INO80E: variants seen among roughly 807,000 people sequenced by gnomAD.
INO80E encodes the protein coiled-coil domain containing 95.
INO80E carries 20 observed loss-of-function variants against 27.3 expected under a neutral mutation model. The ratio of observed to expected loss-of-function variants is 0.73; its 90% CI spans 0.51 to 1.06. The LOEUF (loss-of-function observed/expected upper bound fraction) is 1.06. Ranked by LOEUF, INO80E falls within the 50% of genes least tolerant of loss-of-function variation. The probability of loss-of-function intolerance (pLI) is 0.00; values close to 1 mark genes in which losing one functional copy is unlikely to be tolerated. For synonymous variants in INO80E, 167 were observed against 145.9 expected (o/e 1.14, Z -1.04); for missense variants, 357 against 322.8 (o/e 1.11, Z -0.81).
intron 3 of INO80E, chr16:29,999,603 A>G (rs934763652): frequency 3.3e-5 from 5 of 152,372 alleles, no homozygotes; most frequent in Admixed American, 3.3e-4. Flanking sequence ...AACGGCTTCT[A>G]TAGGTGTAGC....
chr16:29,997,334 C>T (rs1022932592), intron 3 of INO80E, among the ~76,000 whole-genome samples: 2 of 152,088 alleles, frequency 1.3e-5, no homozygotes, highest in African/African-American at 4.8e-5. Context: ...AGCCGTACCC[C>T]ATAGGCAAAT....
chr16:30,000,987 T>G lies in INO80E; in HGVS notation c.343T>G (p.Ser115Ala). ...PSPSSLSLPP[S>A]TGFPLQASGV... is the part of the protein sequence containing the mutation. ...TCCCTCCAGCCTCTCCCTGCCTCCT[T>G]CAACAGGGTTTCCCCTTCAGGCCTC... Residue 115 changes from serine to alanine, a missense_variant, in exon 5 of 7, where the codon TCA becomes GCA. Ser to Ala is a moderately conservative substitution (Grantham distance 99). Transcript: ENST00000563197. 2 of 1,561,314 alleles carry G rather than the reference T, an allele frequency of 1.3e-6. No homozygotes were observed. The highest frequency in any genetic ancestry group is 1.2e-5 in the South Asian group (1 of 83,772).
intron 6 of INO80E, chr16:30,002,100 TGGA>T (rs2070376822): frequency 6.5e-6 from 1 of 152,754 alleles, no homozygotes; most frequent in Non-Finnish European, 1.5e-5. Context: ...TAGGTACTTG[TGGA>T]GAAGAACAGA....
rs1386005670 is a variant in INO80E at position 30,004,823 on chromosome 16, G to A, written c.514-398G>A. The stretch of plus-strand genomic sequence containing the variant: ...GAACCAGTGAGTGCCGCAGAAGAGG[G>A]AGAGGAGGAGTAGGGAGAGGAAGCT... On this transcript the variant is annotated intron_variant, in intron 6 of 6. Coordinates refer to ENST00000563197, the MANE Select transcript of INO80E (RefSeq NM_173618.3). Among the ~76,000 whole-genome samples the A allele has an allele frequency of 2.6e-5, 4 of 152,194 alleles. No homozygotes were observed. The East Asian group carries it at 7.7e-4, about 29-fold the overall frequency.
At position 30,005,557 on chromosome 16, in the gene INO80E, C is replaced by A; in HGVS notation, c.*115C>A. ...TGATGCCCAGCTGCCATGCTCCGGC[C>A]ACTGACACAACCAGAAAAGGCGTAA... On this transcript the variant is annotated 3_prime_UTR_variant, in exon 7 of 7. Coordinates refer to ENST00000563197, the MANE Select transcript of INO80E (RefSeq NM_173618.3). 9.8e-7 allele frequency: 1 copy of A among 1,024,314 alleles called. No individual in the cohort carries two copies. Among genetic ancestry groups the A allele is most frequent in the Non-Finnish European group, 1.5e-6 (1 of 688,628 alleles). 63.5% of individuals were successfully genotyped at this position (1,024,314 alleles called of 1,614,324 possible).
At chr16:30,005,194 C>G in intron 6 of INO80E, 27 bp from the exon 7 acceptor site, 1 of 1,439,908 alleles carries the variant, frequency 6.9e-7, no homozygotes, top group Non-Finnish European at 9.1e-7. Flanking sequence ...CTGACTAGTC[C>G]CCCTGTGTTT....
In INO80E at chr16:29,996,338, G is replaced by T; in HGVS notation, c.28G>T (p.Asp10Tyr). 1 of 1,598,434 alleles carries T rather than the reference G, an allele frequency of 6.3e-7. No homozygotes were observed. The highest frequency in any genetic ancestry group is 8.5e-7 in the Non-Finnish European group (1 of 1,172,626). The change falls in exon 1 of 7, where the codon GAC (aspartate) becomes TAC (tyrosine). Residue 10 changes from aspartate (D) to tyrosine (Y), a missense_variant. Asp to Tyr is a radical substitution (Grantham distance 160). Coordinates refer to ENST00000563197, the MANE Select transcript of INO80E (RefSeq NM_173618.3). ...GAACGGGCCGGCGGACGGCGAAGTG[G>T]ACTACAAAAAAAAATACCGGAATCT... is the stretch of plus-strand genomic sequence containing the variant. MNGPADGEV[D>Y]YKKKYRNLKR...
chr16:30,000,695 T>C, intron 3 of INO80E, 63 bp from the exon 4 acceptor site: 1 of 1,380,828 alleles, frequency 7.2e-7, no homozygotes, highest in Non-Finnish European at 1.0e-6. Context: ...GTAGAGGAGG[T>C]TATACCTTTC....
intron 6 of INO80E, 80 bp from the exon 7 acceptor site, chr16:30,005,141 C>T (rs2070514818): frequency 7.1e-7 from 1 of 1,404,320 alleles, no homozygotes; most frequent in Non-Finnish European, 9.3e-7. Flanking sequence ...CCCAGAGCTG[C>T]CCTGGGGGGC....
At chr16:30,005,102 C>T in intron 6 of INO80E, 119 bp from the exon 7 acceptor site, 1 of 1,164,506 alleles carries the variant, frequency 8.6e-7, no homozygotes, top group Non-Finnish European at 1.2e-6. Context: ...ATGGGTTGGC[C>T]CAGCTGTGCC....
At chr16:30,001,706 C>T (rs2070362936) in intron 6 of INO80E, 176 bp downstream of exon 6, 1 of 610,296 alleles carries the variant, frequency 1.6e-6, no homozygotes, top group Non-Finnish European at 2.8e-6. Flanking sequence ...TGTATGGAGA[C>T]AAATCAGGGC....
chr16:29,998,918 G>A (rs919427371), intron 3 of INO80E, among the ~76,000 whole-genome samples: 9 of 152,020 alleles, frequency 5.9e-5, no homozygotes, highest in African/African-American at 1.9e-4. Context: ...GGTGGCGGGC[G>A]CCTGTAGTCC....
chr16:30,005,262 G>A lies in INO80E; in HGVS notation c.555G>A (p.Leu185=). 6.7e-7 allele frequency: 1 copy of A among 1,483,092 alleles called. No homozygotes were observed. The highest frequency in any genetic ancestry group is 8.9e-7 in the Non-Finnish European group (1 of 1,120,452). The allele number at this position is 1,483,092 out of a possible 1,614,324, so 91.9% of individuals were successfully genotyped here. Residue 185 remains leucine (L), a synonymous_variant, in exon 7 of 7, where the codon CTG becomes CTA. Coordinates refer to ENST00000563197, the MANE Select transcript of INO80E (RefSeq NM_173618.3). ...CCGACTGCCCTGTGGGAGGGCCGCT[G>A]ACCTTCCCTGGCCGGGGTTCTGGGG... ...GPPDCPVGGP[L]TFPGRGSGAG...
At chr16:30,001,376 A>C in intron 5 of INO80E, 38 bp from the exon 6 acceptor site, 1 of 1,549,358 alleles carries the variant, frequency 6.5e-7, no homozygotes, top group Non-Finnish European at 8.7e-7. Context: ...ACCCCGGTCC[A>C]TTCCGCCTCC....
At position 30,001,445 on chromosome 16, in the gene INO80E, C is replaced by T. The variant is rs779190889; in HGVS notation, c.428C>T (p.Ser143Phe). 6.2e-7 allele frequency: 1 copy of T among 1,612,008 alleles called. No homozygotes were observed. The highest frequency in any genetic ancestry group is 8.5e-7 in the Non-Finnish European group (1 of 1,179,098). Residue 143 changes from serine to phenylalanine, a missense_variant, in exon 6 of 7, where the codon TCT becomes TTT. Coordinates refer to ENST00000563197, the MANE Select transcript of INO80E (RefSeq NM_173618.3). The part of the protein sequence containing the change: ...LASSRYPPFP[S>F]DYLALQLPEP... ...TCCTCCCGCTACCCCCCATTCCCTT[C>T]TGACTACCTGGCCCTGCAGCTGCCC...
chr16:29,996,778 C>G, intron 2 of INO80E, 30 bp from the exon 3 acceptor site: 2 of 1,613,048 alleles, frequency 1.2e-6, no homozygotes, highest in Non-Finnish European at 1.7e-6. Context: ...GCTGGAAAAT[C>G]ACTGTCCGTG....
intron 3 of INO80E, among the ~76,000 whole-genome samples, chr16:29,998,988 T>C (rs1039399861): frequency 2.7e-5 from 4 of 150,412 alleles, no homozygotes; most frequent in African/African-American, 7.4e-5. Flanking sequence ...GAGCTTGCAG[T>C]GAGCCGAGAT....
Position 30,005,621 on chromosome 16 carries a change from T to A in INO80E, c.*179T>A. ...TCCCCCAGGAGGGTGGCAGGGGCCC[T>A]GCCTTCAAACCCCGGCCCCCTCCAG... On this transcript the variant is annotated 3_prime_UTR_variant, in exon 7 of 7. Transcript: ENST00000563197. 1 of 644,828 alleles carries A rather than the reference T, an allele frequency of 1.6e-6. No homozygotes were observed. Among genetic ancestry groups the A allele is most frequent in the Non-Finnish European group, 2.7e-6 (1 of 376,716 alleles). 39.9% of individuals were successfully genotyped at this position (644,828 alleles called of 1,614,324 possible). A position where few individuals can be genotyped will look rare whatever the true frequency, so the allele number is the denominator to read the frequency against.
intron 3 of INO80E, among the ~76,000 whole-genome samples, chr16:29,998,740 G>A (rs1031616026): frequency 3.3e-5 from 5 of 152,054 alleles, no homozygotes; most frequent in African/African-American, 9.7e-5. Flanking sequence ...ACCTCTCTCC[G>A]TGGTGCCTTT....
Sources: allele counts gnomAD v4.1 joint callset (sites outside exome capture counted in the v4.1 genomes callset), GRCh38; gene constraint gnomAD v4.1.1; transcripts MANE v1.5; gene names NCBI Gene and HGNC (gene_info 2026-07-23, HGNC 2026-07-21).